KIF26B: variants seen among roughly 807,000 people sequenced by gnomAD.
The protein encoded by KIF26B is kinesin family member 26B.
Under a neutral mutation model 151.2 loss-of-function variants are expected in KIF26B, and 63 were observed. The observed-to-expected ratio is 0.42, with a 90% CI of 0.34 to 0.51. The LOEUF is 0.51. Among genes scored for constraint, KIF26B ranks in the 20% least tolerant of loss-of-function variants. The probability of loss-of-function intolerance (pLI) is 0.07; values close to 1 mark genes in which losing one functional copy is unlikely to be tolerated. For missense variants in KIF26B, 2,813 were observed against 2,913.6 expected, an observed-to-expected ratio of 0.97 and a Z score of 0.79; for synonymous variants, 1,357 against 1,262.1, an observed-to-expected ratio of 1.08 and a Z score of -1.59.
rs956001813 is a variant in KIF26B, at chr1:245,401,685, A to G, written c.1000-17894A>G. On this transcript the variant is annotated intron_variant, in intron 3 of 14. Transcript: ENST00000407071. ...GGAGTTCGAGACCAGCCTGGCCAAC[A>G]TGGTGAAACCCCATCTCTAGTAAAA... Among the ~76,000 whole-genome samples, 7 of 152,162 alleles carry G rather than the reference A, an allele frequency of 4.6e-5. No homozygotes were observed. In the East Asian group the frequency reaches 1.2e-3, roughly 25 times the overall value.
intron 10 of KIF26B, 104 bp downstream of exon 10, chr1:245,646,384 AC>A: frequency 8.0e-7 from 1 of 1,247,328 alleles, no homozygotes; most frequent in Non-Finnish European, 1.1e-6. Context: ...GACAGCCTGG[AC>A]CCCATTATAA....
intron 4 of KIF26B, among the ~76,000 whole-genome samples, chr1:245,487,438 T>C (rs1209456983): frequency 6.6e-6 from 1 of 152,168 alleles, no homozygotes; most frequent in African/African-American, 2.4e-5. Context: ...TACTCTAGCC[T>C]GGAAAAGTGC....
rs77397152 is a variant in KIF26B at position 245,516,766 on chromosome 1, G to A, written c.1167-24001G>A. On this transcript the variant is annotated intron_variant, in intron 4 of 14. Coordinates refer to ENST00000407071, the MANE Select transcript of KIF26B (RefSeq NM_018012.4). This position sits in a 1 kb window ranked among gnomAD's most constrained non-coding sequence, Gnocchi z 4.2. ...ATAAATCTGTAAGCTCCTTGCTTAAGTAATACGCTCCTTGACGGCCAAAAC... is the reference window on the plus strand; with the variant it reads ...ATAAATCTGTAAGCTCCTTGCTTAAATAATACGCTCCTTGACGGCCAAAAC... Among the ~76,000 whole-genome samples, 1 of 152,190 alleles carries A rather than the reference G, an allele frequency of 6.6e-6. No individual in the cohort carries two copies. Among genetic ancestry groups the A allele is most frequent in the Non-Finnish European group, 1.5e-5 (1 of 68,044 alleles).
rs947116900 is a variant in KIF26B, at chr1:245,709,339, T to G, written c.*6733T>G. On this transcript the variant is annotated 3_prime_UTR_variant, in exon 15 of 15. Coordinates refer to ENST00000407071, the MANE Select transcript of KIF26B (RefSeq NM_018012.4). ...TTGCTGGCTACGATCTCTGACTTTTTGTGGCATATGAGGTGTAAAATGTTG... is the reference window on the plus strand; with the variant it reads ...TTGCTGGCTACGATCTCTGACTTTTGGTGGCATATGAGGTGTAAAATGTTG... 6.6e-6 allele frequency: 1 copy of G among 152,240 alleles called. No homozygotes were observed. The highest frequency in any genetic ancestry group is 1.5e-5 in the Non-Finnish European group (1 of 68,044). 9.4% of individuals were successfully genotyped at this position (152,240 alleles called of 1,614,324 possible).
At chr1:245,544,078 C>T (rs563832984) in intron 5 of KIF26B, among the ~76,000 whole-genome samples, 117 of 152,274 alleles carry the variant, frequency 7.7e-4, no homozygotes, top group African/African-American at 2.7e-3. Flanking sequence ...ACTGCCTGAC[C>T]TCAGCGAAGG....
At position 245,156,663 on chromosome 1, in the gene KIF26B, C is replaced by T. The variant is rs760917763; in HGVS notation, c.445C>T (p.Pro149Ser). 3.3e-6 allele frequency: 5 copies of T among 1,502,802 alleles called. No individual in the cohort carries two copies. In the South Asian group the frequency reaches 4.9e-5, roughly 15 times the overall value. 93.1% of individuals were successfully genotyped at this position (1,502,802 alleles called of 1,614,324 possible). The change falls in exon 2 of 15, where the codon CCG becomes TCG. Residue 149 changes from proline to serine, a missense_variant. By Grantham distance (74) the Pro-to-Ser change is moderately conservative (BLOSUM62 -1). This residue lies in a region of KIF26B where 676 missense variants were observed against 688.1 expected (regional missense o/e 0.98). Transcript: ENST00000407071. ...LKRQALRLLL[P>S]GPFPGKDPAF... ...GAGGCAGGCCCTGAGGTTGCTCCTCCCGGGGCCCTTCCCGGGCAAGGTGAG... is the reference window on the plus strand; with the variant it reads ...GAGGCAGGCCCTGAGGTTGCTCCTCTCGGGGCCCTTCCCGGGCAAGGTGAG...
chr1:245,629,901 C>CA (rs2043762548), intron 9 of KIF26B, among the ~76,000 whole-genome samples: 2 of 125,334 alleles, frequency 1.6e-5, no homozygotes, highest in African/African-American at 5.9e-5. Flanking sequence ...ACAAGAAAAA[C>CA]AAACATCAAA....
intron 5 of KIF26B, among the ~76,000 whole-genome samples, chr1:245,565,172 G>T (rs2042997046): frequency 6.6e-6 from 1 of 152,110 alleles, no homozygotes; most frequent in Non-Finnish European, 1.5e-5. Context: ...TATAGTTTTT[G>T]GGAATTTACT....
chr1:245,609,473 A>T lies in KIF26B; in HGVS notation c.1859A>T (p.Gln620Leu), dbSNP rs761089125. 10 of 1,601,874 alleles carry T rather than the reference A, an allele frequency of 6.2e-6. No homozygotes were observed. The highest frequency in any genetic ancestry group is 8.5e-6 in the Non-Finnish European group (10 of 1,174,034). ...TCGGAGGTGGCCACGGGCAGCCTGC[A>T]GGACGGCCAGTCCCCGGGCGTGTAC... ...LLSEVATGSL[Q>L]DGQSPGVYLC... The change falls in exon 8 of 15, where the codon CAG (glutamine) becomes CTG (leucine). Residue 620 changes from glutamine to leucine, a missense_variant. By Grantham distance (113) the Gln-to-Leu change is moderately radical (BLOSUM62 -2). Coordinates refer to ENST00000407071, the MANE Select transcript of KIF26B (RefSeq NM_018012.4).
chr1:245,417,405 G>A (rs1245222774), intron 3 of KIF26B, among the ~76,000 whole-genome samples: 1 of 152,052 alleles, frequency 6.6e-6, no homozygotes, highest in African/African-American at 2.4e-5. Flanking sequence ...ATTGGCTTGG[G>A]CAAATTGCTT....
chr1:245,197,211 T>G (rs2103535912), intron 2 of KIF26B, among the ~76,000 whole-genome samples: 1 of 152,338 alleles, frequency 6.6e-6, no homozygotes. Flanking sequence ...AAGCGCTGCA[T>G]AGTCTTCCTG....
chr1:245,303,197 C>CTTTTT (rs757473264), intron 2 of KIF26B, among the ~76,000 whole-genome samples: 15 of 102,600 alleles, frequency 1.5e-4, no homozygotes, highest in South Asian at 6.7e-4. Context: ...ACTAAATGTT[C>CTTTTT]TTTTTTTTTT....
chr1:245,497,277 A>G (rs1239982334), intron 4 of KIF26B, among the ~76,000 whole-genome samples: 2 of 152,226 alleles, frequency 1.3e-5, no homozygotes, highest in Non-Finnish European at 1.5e-5. Flanking sequence ...TCAAAAACTG[A>G]TAGAACAGGC....
rs1248320223 is a variant in KIF26B, at chr1:245,340,522, C to T, written c.466-26312C>T. Reference sequence around the variant, plus strand: ...GGGCTAGCCTTGCTTTTCTGCAGCCCCTGTCCCTAACATCTTATTCTAAGT... The same window carrying T: ...GGGCTAGCCTTGCTTTTCTGCAGCCTCTGTCCCTAACATCTTATTCTAAGT... On this transcript the variant is annotated intron_variant, in intron 2 of 14. Coordinates refer to ENST00000407071, the MANE Select transcript of KIF26B (RefSeq NM_018012.4). 3.3e-5 allele frequency among the ~76,000 whole-genome samples: 5 copies of T among 152,132 alleles called. 1 individual carries two copies. Among genetic ancestry groups the T allele is most frequent in the African/African-American group, 1.2e-4 (5 of 41,508 alleles).
At chr1:245,253,976 AT>A (rs546030922) in intron 2 of KIF26B, among the ~76,000 whole-genome samples, 1 of 151,230 alleles carries the variant, frequency 6.6e-6, no homozygotes, top group African/African-American at 2.4e-5. Context: ...CGCCCGGCTG[AT>A]TTTTTTGTAT....
At chr1:245,176,598 G>A (rs73125050) in intron 2 of KIF26B, among the ~76,000 whole-genome samples, 14 of 152,242 alleles carry the variant, frequency 9.2e-5, no homozygotes, top group African/African-American at 2.6e-4. Context: ...CTCCCCACAA[G>A]ACGCCAACAA....
chr1:245,554,768 C>T (rs1428408421), intron 5 of KIF26B, among the ~76,000 whole-genome samples: 1 of 152,190 alleles, frequency 6.6e-6, no homozygotes, highest in Admixed American at 6.5e-5. Context: ...GAAGGCTGCA[C>T]CTGTGTTTCC....
At chr1:245,431,427 C>G (rs1658778425) in intron 4 of KIF26B, among the ~76,000 whole-genome samples, 1 of 151,962 alleles carries the variant, frequency 6.6e-6, no homozygotes, top group Non-Finnish European at 1.5e-5. Flanking sequence ...TCACTGCAAC[C>G]TCTGCCTCCC....
At chr1:245,616,420 A>T (rs1265221159) in intron 9 of KIF26B, among the ~76,000 whole-genome samples, 2 of 152,302 alleles carry the variant, frequency 1.3e-5, no homozygotes, top group East Asian at 3.9e-4. Flanking sequence ...TCTCATAACG[A>T]CGCGTGTACT....
Sources: gnomAD v4.1 joint callset for allele counts (sites outside exome capture counted in the v4.1 genomes callset) on GRCh38, gnomAD v4.1.1 for gene constraint, gnomAD v4.1.1 regional missense constraint, Gnocchi (gnomAD v3.1) non-coding constraint, MANE v1.5 for transcripts, NCBI Gene and HGNC (gene_info 2026-07-23, HGNC 2026-07-21) for gene names.